The following ELAVL4 variants were observed in gnomAD, a reference collection of about 807,000 sequenced individuals.
ELAVL4 encodes ELAV-like protein 4.
A neutral mutation model predicts 35.6 loss-of-function variants in ELAVL4; 1 was observed. The observed-to-expected ratio is 0.03, with a 90% CI of 0.01 to 0.13. The LOEUF (loss-of-function observed/expected upper bound fraction) is 0.13. Ranked by LOEUF, ELAVL4 falls within the 10% of genes least tolerant of loss-of-function variation. The pLI is 1.00. For missense variants in ELAVL4, 267 were observed against 464.9 expected (o/e 0.57, Z 3.91); for synonymous variants, 156 against 171.0 (o/e 0.91, Z 0.69).
chr1:50,159,033 C>T (rs1379628742), intron 2 of ELAVL4, among the ~76,000 whole-genome samples: 1 of 139,518 alleles, frequency 7.2e-6, no homozygotes, highest in Non-Finnish European at 1.5e-5. Flanking sequence ...GAGCAAGACT[C>T]CTTCTCAAAA....
rs1212360719 is a variant in ELAVL4, at chr1:50,158,110, G to A, written c.250+12913G>A. ...TCAGGTTTATCATTTATAAAATAGT[G>A]ATACTGATAGGATTATTGTGAACAT... On this transcript the variant is annotated intron_variant, in intron 2 of 6. Transcript: ENST00000371824. 3.3e-5 allele frequency among the ~76,000 whole-genome samples: 5 copies of A among 152,230 alleles called. No homozygotes were observed. The South Asian group carries it at 1.0e-3, about 32-fold the overall frequency.
chr1:50,094,434 G>A (rs77434666), intron 1 of ELAVL4, among the ~76,000 whole-genome samples: 147 of 152,304 alleles, frequency 9.7e-4, no homozygotes, highest in African/African-American at 3.5e-3. Flanking sequence ...AAAGGTTACT[G>A]TGGCTGGTAG....
At chr1:50,092,650 C>T (rs1266211726) in intron 1 of ELAVL4, among the ~76,000 whole-genome samples, 1 of 152,174 alleles carries the variant, frequency 6.6e-6, no homozygotes, top group Non-Finnish European at 1.5e-5. Flanking sequence ...CCTAGTCTGA[C>T]TGTAAACACT....
intron 1 of ELAVL4, among the ~76,000 whole-genome samples, chr1:50,072,054 G>A (rs953550301): frequency 4.6e-5 from 7 of 152,120 alleles, no homozygotes; most frequent in African/African-American, 1.7e-4. Flanking sequence ...TCTTACTAGT[G>A]TTAATGATTA....
upstream of ELAVL4, among the ~76,000 whole-genome samples, chr1:50,108,192 A>C (rs1032332258): frequency 6.6e-6 from 1 of 152,210 alleles, no homozygotes. Context: ...GACAGAAGGC[A>C]GAAAGGTAGA....
chr1:50,064,105 T>C (rs916309975), intron 1 of ELAVL4, among the ~76,000 whole-genome samples: 6 of 152,060 alleles, frequency 3.9e-5, no homozygotes, highest in African/African-American at 1.4e-4. Flanking sequence ...TAGAGAAAGG[T>C]GTGCTGAGAA....
intron 1 of ELAVL4, among the ~76,000 whole-genome samples, chr1:50,129,823 G>A (rs975988520): frequency 1.3e-5 from 2 of 152,072 alleles, no homozygotes; most frequent in Admixed American, 1.3e-4. Context: ...ATTTTAATGG[G>A]CACATATTTC....
intron 1 of ELAVL4, among the ~76,000 whole-genome samples, chr1:50,096,417 A>G (rs1001312190): frequency 6.7e-6 from 1 of 149,406 alleles, no homozygotes; most frequent in African/African-American, 2.5e-5. Context: ...AAGAAATTAC[A>G]GGCATAAAGA....
chr1:50,193,505 C>G (rs923996141), intron 3 of ELAVL4, among the ~76,000 whole-genome samples: 2 of 152,030 alleles, frequency 1.3e-5, no homozygotes, highest in Non-Finnish European at 2.9e-5. Context: ...CATACAGTAG[C>G]TATTTTGTTC....
chr1:50,176,750 A>C (rs1239897493), intron 2 of ELAVL4, among the ~76,000 whole-genome samples: 1 of 152,186 alleles, frequency 6.6e-6, no homozygotes, highest in Admixed American at 6.5e-5. Context: ...CTTCTGACAA[A>C]CCACACCTGT....
chr1:50,144,468 C>T (rs750257259), intron 1 of ELAVL4: 62 of 408,310 alleles, frequency 1.5e-4, no homozygotes, highest in Non-Finnish European at 2.7e-4. Flanking sequence ...TAAACCCTTC[C>T]CATATTGAAC....
intron 1 of ELAVL4, among the ~76,000 whole-genome samples, chr1:50,057,769 G>T (rs528403726): frequency 2.6e-5 from 4 of 152,128 alleles, no homozygotes; most frequent in African/African-American, 9.7e-5. Flanking sequence ...TGACAAAATT[G>T]CCTGACGTAT....
At chr1:50,126,731 A>G (rs1418511768) in intron 1 of ELAVL4, among the ~76,000 whole-genome samples, 1 of 152,154 alleles carries the variant, frequency 6.6e-6, no homozygotes, top group Admixed American at 6.5e-5. Flanking sequence ...AGCACAGTTT[A>G]TTCTCATCCC....
At chr1:50,182,360 A>G (rs3001637) in intron 3 of ELAVL4, among the ~76,000 whole-genome samples, 142,864 of 152,240 alleles carry the variant, frequency 0.94, 67,739 homozygotes, top group East Asian at 1. Context: ...TAAACCTTTC[A>G]GAGTGTTGGG....
upstream of ELAVL4, among the ~76,000 whole-genome samples, chr1:50,100,977 GC>G (rs1665947206): frequency 1.1e-5 from 1 of 94,946 alleles, no homozygotes; most frequent in Non-Finnish European, 2.0e-5. Flanking sequence ...TTAGAGTGAT[GC>G]CTCCACCAAG....
intron 3 of ELAVL4, among the ~76,000 whole-genome samples, chr1:50,178,517 G>A (rs1680471829): frequency 6.6e-6 from 1 of 152,114 alleles, no homozygotes; most frequent in South Asian, 2.1e-4. Flanking sequence ...TTCTAAAGAT[G>A]ATTGCTTTCC....
intron 5 of ELAVL4, among the ~76,000 whole-genome samples, 176 bp downstream of exon 5, chr1:50,195,962 A>G (rs974581710): frequency 3.3e-5 from 5 of 152,176 alleles, no homozygotes; most frequent in Admixed American, 3.3e-4. Context: ...AGACAGTTGG[A>G]GCAGATGCCC....
chr1:50,068,076 A>G (rs1664348645), intron 1 of ELAVL4, among the ~76,000 whole-genome samples: 1 of 152,126 alleles, frequency 6.6e-6, no homozygotes, highest in Admixed American at 6.5e-5. Flanking sequence ...AAACCATATC[A>G]CTTATAAACC....
At chr1:50,062,489 C>T (rs772603775) in intron 1 of ELAVL4, among the ~76,000 whole-genome samples, 40 of 152,232 alleles carry the variant, frequency 2.6e-4, no homozygotes, top group Non-Finnish European at 4.6e-4. Flanking sequence ...TACCATACCA[C>T]ACCCACCTTA....
Sources: gnomAD v4.1 joint callset for allele counts (sites outside exome capture counted in the v4.1 genomes callset) on GRCh38, gnomAD v4.1.1 for gene constraint, MANE v1.5 for transcripts, NCBI Gene and HGNC (gene_info 2026-07-23, HGNC 2026-07-21) for gene names.